Variants in ANO3 observed in about 807,000 individuals in gnomAD.
ANO3 encodes anoctamin-3.
A neutral mutation model predicts 144.8 loss-of-function variants in ANO3; 99 were observed. That is an observed-to-expected ratio of 0.68 (90% CI 0.58 to 0.81). The LOEUF is 0.81. Among genes scored for constraint, ANO3 ranks in the 30% least tolerant of loss-of-function variants. ANO3 has a pLI of 0.00. For missense variants in ANO3, 905 were observed against 1,202.2 expected (o/e 0.75, Z 3.66); for synonymous variants, 414 against 392.6 (o/e 1.05, Z -0.64).
intron 4 of ANO3, among the ~76,000 whole-genome samples, chr11:26,501,105 T>C (rs865827345): frequency 1.3e-5 from 2 of 152,298 alleles, no homozygotes; most frequent in Non-Finnish European, 2.9e-5. Flanking sequence ...TTCAGTAGGA[T>C]AGGATTAAGA....
intron 1 of ANO3, among the ~76,000 whole-genome samples, chr11:26,258,477 G>A (rs181214951): frequency 5.2e-4 from 79 of 152,268 alleles, no homozygotes; most frequent in African/African-American, 1.9e-3. Context: ...AAACGAAATT[G>A]GAGTAAGAAT....
At chr11:26,513,778 G>A (rs1238565202) in intron 5 of ANO3, among the ~76,000 whole-genome samples, 1 of 152,040 alleles carries the variant, frequency 6.6e-6, no homozygotes, top group Non-Finnish European at 1.5e-5. Flanking sequence ...TGTTCTCAAG[G>A]TCATGGCTAC....
At chr11:26,505,535 A>G (rs1225247531) in intron 4 of ANO3, among the ~76,000 whole-genome samples, 1 of 152,196 alleles carries the variant, frequency 6.6e-6, no homozygotes, top group Non-Finnish European at 1.5e-5. Context: ...TAACCAGTGA[A>G]TAGTTAATTA....
intron 1 of ANO3, among the ~76,000 whole-genome samples, chr11:26,365,895 CT>C (rs1380365892): frequency 2.6e-5 from 4 of 151,184 alleles, no homozygotes; most frequent in African/African-American, 9.7e-5. Flanking sequence ...ATACAAATAT[CT>C]CTAGTGAGTA....
chr11:26,563,010 C>T, intron 14 of ANO3: 1 of 1,433,660 alleles, frequency 7.0e-7, no homozygotes. Flanking sequence ...TTTGTTCATT[C>T]ATATGAATTC....
intron 1 of ANO3, among the ~76,000 whole-genome samples, chr11:26,365,398 A>C (rs1442640381): frequency 6.7e-6 from 1 of 149,518 alleles, no homozygotes; most frequent in Non-Finnish European, 1.5e-5. Context: ...TTCACTAGGC[A>C]GTGCCCTAGT....
chr11:26,586,572 G>A (rs1051197259), intron 14 of ANO3, among the ~76,000 whole-genome samples: 26 of 135,048 alleles, frequency 1.9e-4, no homozygotes, highest in African/African-American at 6.4e-4. Flanking sequence ...GCGCGATCTC[G>A]GCTCACCGCA....
intron 1 of ANO3, among the ~76,000 whole-genome samples, chr11:26,263,465 T>C (rs1249554723): frequency 6.6e-6 from 1 of 152,222 alleles, no homozygotes; most frequent in African/African-American, 2.4e-5. Flanking sequence ...ACTCTTCCTG[T>C]TGTCACTCCA....
At chr11:26,195,526 C>T (rs763204123) in intron 1 of ANO3, among the ~76,000 whole-genome samples, 11 of 152,164 alleles carry the variant, frequency 7.2e-5, no homozygotes, top group Non-Finnish European at 1.0e-4. Context: ...AAGGAGGAAA[C>T]GGAGAGAGTA....
intron 1 of ANO3, among the ~76,000 whole-genome samples, chr11:26,428,930 T>C (rs1184911672): frequency 6.6e-6 from 1 of 152,132 alleles, no homozygotes; most frequent in African/African-American, 2.4e-5. Flanking sequence ...GAGAAGCCAC[T>C]ACATTAGGAC....
chr11:26,243,903 A>C (rs1017570738), intron 1 of ANO3, among the ~76,000 whole-genome samples: 4 of 152,102 alleles, frequency 2.6e-5, no homozygotes, highest in African/African-American at 9.7e-5. Flanking sequence ...GCAGATCAAG[A>C]GGTCAGGAGT....
At chr11:26,593,789 G>A (rs529119596) in intron 14 of ANO3, among the ~76,000 whole-genome samples, 1 of 152,226 alleles carries the variant, frequency 6.6e-6, no homozygotes, top group South Asian at 2.1e-4. Flanking sequence ...GATTTGCCCA[G>A]CCTTTCCCTG....
chr11:26,599,753 G>A (rs1472355575), intron 17 of ANO3, 39 bp downstream of exon 17: 3 of 1,564,248 alleles, frequency 1.9e-6, no homozygotes, highest in Non-Finnish European at 2.6e-6. Flanking sequence ...AGACAAAAAA[G>A]GGGTGGAAAG....
intron 1 of ANO3, among the ~76,000 whole-genome samples, chr11:26,429,966 G>A (rs1259743950): frequency 6.6e-6 from 1 of 152,090 alleles, no homozygotes; most frequent in South Asian, 2.1e-4. Flanking sequence ...GGCCAGGCAC[G>A]GGGGCTCACG....
intron 1 of ANO3, among the ~76,000 whole-genome samples, chr11:26,272,009 C>A (rs1360753824): frequency 6.6e-6 from 1 of 151,932 alleles, no homozygotes; most frequent in Admixed American, 6.6e-5. Context: ...ATAGCCAGTT[C>A]CTGCTGCTAG....
At chr11:26,594,230 G>C (rs1230604331) in intron 14 of ANO3, among the ~76,000 whole-genome samples, 3 of 152,130 alleles carry the variant, frequency 2.0e-5, no homozygotes, top group Non-Finnish European at 1.5e-5. Flanking sequence ...TCCATCTTCT[G>C]ATTTTGCGTC....
In ANO3 at chr11:26,660,326, A is replaced by C; in HGVS notation, c.2828A>C (p.His943Pro). The C allele has an allele frequency of 6.2e-7, 1 of 1,613,732 alleles. No homozygotes were observed. Among genetic ancestry groups the C allele is most frequent in the Non-Finnish European group, 8.5e-7 (1 of 1,179,750 alleles). Residue 943 changes from histidine (H) to proline (P), a missense_variant, in exon 27 of 27, where the codon CAT becomes CCT. His to Pro is a moderately conservative substitution (Grantham distance 77). This residue lies in a region of ANO3 where 597 missense variants were observed against 865.1 expected (regional missense o/e 0.69). Coordinates refer to ENST00000256737, the MANE Select transcript of ANO3 (RefSeq NM_031418.4). The part of the protein sequence containing the change: ...YLIPDVPKGL[H>P]DRIRREKYLV... ...ATTCCAGACGTACCAAAGGGTCTAC[A>C]TGACCGAATACGACGAGAGAAGTAC...
chr11:26,425,578 A>C (rs1433834522), intron 1 of ANO3, among the ~76,000 whole-genome samples: 1 of 152,086 alleles, frequency 6.6e-6, no homozygotes, highest in Non-Finnish European at 1.5e-5. Flanking sequence ...TCCTGCTCAC[A>C]CTTATTATGA....
At chr11:26,647,612 T>A (rs1853390030) in intron 23 of ANO3, 97 bp from the exon 24 acceptor site, 1 of 1,189,250 alleles carries the variant, frequency 8.4e-7, no homozygotes, top group Admixed American at 2.2e-5. Flanking sequence ...GAGCTGTGGT[T>A]CCAACATAAG....
Sources: allele counts gnomAD v4.1 joint callset (sites outside exome capture counted in the v4.1 genomes callset), GRCh38; gene constraint gnomAD v4.1.1; regional missense constraint gnomAD v4.1.1; transcripts MANE v1.5; gene names NCBI Gene and HGNC (gene_info 2026-07-23, HGNC 2026-07-21).